The following RP1 variants were observed in gnomAD, a reference collection of about 807,000 sequenced individuals.
RP1 encodes the protein oxygen-regulated protein 1.
In RP1, 16 loss-of-function variants were observed where a neutral mutation model predicts 14.8. The ratio of observed to expected loss-of-function variants is 1.08; its 90% confidence interval spans 0.73 to 1.65. The LOEUF (loss-of-function observed/expected upper bound fraction) is 1.65. Ranked by LOEUF, RP1 falls within the 40% of genes most tolerant of loss-of-function variation. The pLI, the probability that RP1 is intolerant of heterozygous loss-of-function variation, is 0.00. For synonymous variants in RP1, 876 were observed against 883.6 expected, an observed-to-expected ratio of 0.99 and a Z score of 0.15; for missense variants, 2,631 against 2,535.0, an observed-to-expected ratio of 1.04 and a Z score of -0.81.
At chr8:54,667,588 C>T (rs1364096789) in intron 7 of RP1, among the ~76,000 whole-genome samples, 7 of 152,154 alleles carry the variant, frequency 4.6e-5, no homozygotes, top group Middle Eastern at 3.4e-3. Flanking sequence ...ATGTGGTTTG[C>T]GGCAGGAGCT....
Position 54,783,675 on chromosome 8 carries a change from C to T in RP1, c.3580C>T (p.Gln1194Ter). 8.1e-7 allele frequency: 1 copy of T among 1,231,370 alleles called. No individual in the cohort carries two copies. The highest frequency in any genetic ancestry group is 1.0e-6 in the Non-Finnish European group (1 of 987,392). 76.3% of individuals were successfully genotyped at this position (1,231,370 alleles called of 1,614,324 possible). A position where few individuals can be genotyped will look rare whatever the true frequency, so the allele number is the denominator to read the frequency against. Residue 1194 changes from glutamine to a stop codon, truncating the protein, a stop_gained, in exon 24 of 29, where the codon CAG becomes TAG. Coordinates refer to the RP1 transcript ENST00000637698. LOFTEE classifies it high-confidence loss of function. The stretch of plus-strand genomic sequence containing the variant: ...TATTATTTTGGGATCTGGGAAACAC[C>T]AGCTGTTTAACCCTAACACTGCAGA...
chr8:54,624,938 T>C lies in RP1; in HGVS notation c.1056T>C (p.Thr352=), dbSNP rs1805986379. 6.2e-7 allele frequency: 1 copy of C among 1,614,178 alleles called. No individual in the cohort carries two copies. Among genetic ancestry groups the C allele is most frequent in the Non-Finnish European group, 8.5e-7 (1 of 1,180,032 alleles). Residue 352 remains threonine (T), a synonymous_variant, in exon 4 of 4, where the codon ACT becomes ACC. Transcript: ENST00000220676. ...AAGAAACCATAAAATGGACAACTAC[T>C]GTCAGTAAAACTGGTCCTTCTAATA... ...KEEETIKWTT[T]VSKTGPSNND... is the part of the protein sequence containing the mutation.
rs1251207727 is a variant in RP1 at position 54,627,560 on chromosome 8, T to C, written c.3678T>C (p.Asn1226=). 6.2e-7 allele frequency: 1 copy of C among 1,613,998 alleles called. No individual in the cohort carries two copies. The highest frequency in any genetic ancestry group is 2.2e-5 in the East Asian group (1 of 44,892). The change falls in exon 4 of 4, where the codon AAT becomes AAC. Residue 1226 remains asparagine, a synonymous_variant. Transcript: ENST00000220676. ...NIQSVPKCSE[N]ERTQGISSLD... ...AGAGTGTTCCTAAGTGCAGTGAAAA[T>C]GAAAGAACACAAGGAATCTCCTCTT... is the stretch of plus-strand genomic sequence containing the variant.
chr8:54,578,656 T>C (rs1249371985), intron 1 of RP1, among the ~76,000 whole-genome samples: 1 of 152,242 alleles, frequency 6.6e-6, no homozygotes, highest in Non-Finnish European at 1.5e-5. Flanking sequence ...CCCAGGATCA[T>C]GTAGTACCTT....
chr8:54,800,332 G>A (rs767694247), intron 24 of RP1, among the ~76,000 whole-genome samples: 2 of 151,916 alleles, frequency 1.3e-5, no homozygotes, highest in African/African-American at 2.4e-5. Context: ...GGGGGTGTGT[G>A]TATGGGTGTG....
chr8:54,629,792 G>T lies in RP1; in HGVS notation c.5910G>T (p.Glu1970Asp). 1 of 1,611,136 alleles carries T rather than the reference G, an allele frequency of 6.2e-7. No homozygotes were observed. The highest frequency in any genetic ancestry group is 1.1e-5 in the South Asian group (1 of 90,490). ...CAGACAAAAATGTGTTCAGGGAAGA[G>T]AACAATAAAGCAAGTATGAGACAAA... ...LQTDKNVFRE[E>D]NNKASMRQNL... is the part of the protein sequence containing the mutation. The change falls in exon 4 of 4, where the codon GAG (glutamate) becomes GAT (aspartate). Residue 1970 changes from glutamate to aspartate, a missense_variant. By Grantham distance (45) the Glu-to-Asp change is conservative (BLOSUM62 2). Transcript: ENST00000220676.
intron 12 of RP1, among the ~76,000 whole-genome samples, chr8:54,691,006 C>A (rs1432541625): frequency 1.3e-5 from 2 of 152,058 alleles, no homozygotes; most frequent in African/African-American, 4.8e-5. Flanking sequence ...TTGCCTATTA[C>A]AAAAGGCTCT....
chr8:54,745,901 C>G (rs2129361767), intron 19 of RP1, among the ~76,000 whole-genome samples: 1 of 152,270 alleles, frequency 6.6e-6, no homozygotes, highest in South Asian at 2.1e-4. Context: ...AAGCAAAAGT[C>G]AAGGCTTTGG....
intron 24 of RP1, among the ~76,000 whole-genome samples, chr8:54,802,230 A>G (rs1382130186): frequency 6.6e-6 from 1 of 152,198 alleles, no homozygotes; most frequent in African/African-American, 2.4e-5. Flanking sequence ...TCTAAATAGT[A>G]AAGGTAAAAA....
At position 54,627,050 on chromosome 8, in the gene RP1, A is replaced by C. The variant is rs1806080013; in HGVS notation, c.3168A>C (p.Ile1056=). The C allele has an allele frequency of 6.2e-7, 1 of 1,613,938 alleles. No homozygotes were observed. Among genetic ancestry groups the C allele is most frequent in the African/African-American group, 1.3e-5 (1 of 74,934 alleles). Residue 1056 remains isoleucine (I), a synonymous_variant, in exon 4 of 4, where the codon ATA becomes ATC. Transcript: ENST00000220676. ...GPEKKLVYQE[I]NLARKRQSVE... ...AGAAAAAACTTGTTTACCAGGAAAT[A>C]AACCTAGCTAGAAAAAGGCAAAGTG... is the stretch of plus-strand genomic sequence containing the variant.
chr8:54,692,874 A>G (rs1807749533), intron 12 of RP1, among the ~76,000 whole-genome samples: 1 of 152,030 alleles, frequency 6.6e-6, no homozygotes, highest in Non-Finnish European at 1.5e-5. Flanking sequence ...TTGGTGTTTT[A>G]GCCATGAAGT....
rs1237048181 is a variant in RP1, at chr8:54,629,607, A to G, written c.5725A>G (p.Lys1909Glu). ...ACTTCAGGAAGCTGACTCTTTGGAT[A>G]AACTGTATGCTCTTTGTGGTCAACA... Reference protein sequence around the residue: ...GTLQEADSLDKLYALCGQHCP... With the variant: ...GTLQEADSLDELYALCGQHCP... Residue 1909 changes from lysine (K) to glutamate (E), a missense_variant, in exon 4 of 4, where the codon AAA (lysine) becomes GAA (glutamate). Coordinates refer to ENST00000220676, the MANE Select transcript of RP1 (RefSeq NM_006269.2). 5 of 1,613,994 alleles carry G rather than the reference A, an allele frequency of 3.1e-6. No individual in the cohort carries two copies. In the East Asian group the frequency reaches 6.7e-5, roughly 22 times the overall value.
intron 14 of RP1, among the ~76,000 whole-genome samples, chr8:54,705,864 G>A (rs1808139167): frequency 2.2e-5 from 3 of 135,958 alleles, no homozygotes; most frequent in African/African-American, 8.4e-5. Flanking sequence ...TTTTCCTTAT[G>A]TTTGTTCACC....
At chr8:54,690,743 G>A (rs1807691490) in intron 12 of RP1, among the ~76,000 whole-genome samples, 1 of 151,990 alleles carries the variant, frequency 6.6e-6, no homozygotes, top group South Asian at 2.1e-4. Flanking sequence ...AGGGCTATTT[G>A]TATCAAATTG....
chr8:54,788,094 G>C (rs191851693), intron 24 of RP1, among the ~76,000 whole-genome samples: 2 of 152,184 alleles, frequency 1.3e-5, no homozygotes, highest in Admixed American at 1.3e-4. Flanking sequence ...TAGACTTCCT[G>C]ATAGGATGGG....
chr8:54,688,235 G>T (rs1585607704), intron 12 of RP1, among the ~76,000 whole-genome samples: 1 of 151,798 alleles, frequency 6.6e-6, no homozygotes. Flanking sequence ...TGGGTAGATT[G>T]CAAAACTTTT....
chr8:54,585,833 G>A (rs1804907680), intron 1 of RP1, among the ~76,000 whole-genome samples: 2 of 152,154 alleles, frequency 1.3e-5, no homozygotes, highest in Non-Finnish European at 2.9e-5. Context: ...CTCGTGCCGT[G>A]GTTTTCAGCT....
rs183692963 is a variant in RP1, at chr8:54,601,478, C to T, written c.-12-19477C>T. ...GGGAGATATACCTAATGCTAGATGA[C>T]GAGTTAGTGGGTGCAGCGCACCAGC... is the stretch of plus-strand genomic sequence containing the variant. On this transcript the variant is annotated intron_variant, in intron 1 of 22. Coordinates refer to the RP1 transcript ENST00000636932. Among the ~76,000 whole-genome samples the T allele has an allele frequency of 7.6e-3, 1,137 of 149,810 alleles. 3 individuals carry two copies. Among genetic ancestry groups the T allele is most frequent in the Middle Eastern group, 0.028 (8 of 286 alleles).
intron 8 of RP1, among the ~76,000 whole-genome samples, chr8:54,676,498 T>A (rs1807297730): frequency 6.6e-6 from 1 of 152,184 alleles, no homozygotes; most frequent in African/African-American, 2.4e-5. Context: ...AGAGTAGAAT[T>A]GTAGGCAGAT....
Sources: gnomAD v4.1 joint callset for allele counts (sites outside exome capture counted in the v4.1 genomes callset) on GRCh38, gnomAD v4.1.1 for gene constraint, MANE v1.5 for transcripts, NCBI Gene and HGNC (gene_info 2026-07-23, HGNC 2026-07-21) for gene names.